Variants in GALNT2 observed in about 807,000 individuals in gnomAD.
GALNT2 encodes polypeptide N-acetylgalactosaminyltransferase 2.
A neutral mutation model predicts 81.4 loss-of-function variants in GALNT2; 31 were observed. The ratio of observed to expected loss-of-function variants is 0.38; its 90% CI spans 0.29 to 0.51. The LOEUF is 0.51. Among genes scored for constraint, GALNT2 ranks in the 20% least tolerant of loss-of-function variants. The pLI is 0.87. For missense variants in GALNT2, 629 were observed against 765.7 expected (o/e 0.82, Z 2.11); for synonymous variants, 303 against 287.4 (o/e 1.05, Z -0.55).
At chr1:230,117,923 T>C (rs983482869) in intron 1 of GALNT2, among the ~76,000 whole-genome samples, 2 of 152,218 alleles carry the variant, frequency 1.3e-5, no homozygotes, top group Non-Finnish European at 1.5e-5. Flanking sequence ...TATACGTGTC[T>C]GATGAAAGCA....
chr1:230,208,314 G>C (rs764127612), intron 3 of GALNT2, among the ~76,000 whole-genome samples: 17 of 152,162 alleles, frequency 1.1e-4, no homozygotes, highest in Non-Finnish European at 2.1e-4. Flanking sequence ...GGACTGGAGG[G>C]GGGTATGGCT....
intron 10 of GALNT2, 80 bp from the exon 11 acceptor site, chr1:230,255,138 T>C (rs1298717938): frequency 6.2e-7 from 1 of 1,605,676 alleles, no homozygotes; most frequent in Non-Finnish European, 8.5e-7. Context: ...AGGGGGCCTC[T>C]GTACCTGCTT....
rs1378952430 is a variant in GALNT2 at position 230,087,844 on chromosome 1, A to G, written c.126+20438A>G. ...TATTCAGAGTTAAATATTGATGGGC[A>G]TATAATGAAATGCCTACTGGATTAC... On this transcript the variant is annotated intron_variant, in intron 1 of 15. Coordinates refer to ENST00000366672, the MANE Select transcript of GALNT2 (RefSeq NM_004481.5). Among the ~76,000 whole-genome samples, 5 of 152,346 alleles carry G rather than the reference A, an allele frequency of 3.3e-5. No homozygotes were observed. The Middle Eastern group carries it at 0.01, about 311-fold the overall frequency.
At position 230,160,575 on chromosome 1, in the gene GALNT2, G is replaced by A. The variant is rs189065088; in HGVS notation, c.127-17643G>A. 1.1e-4 allele frequency among the ~76,000 whole-genome samples: 17 copies of A among 152,246 alleles called. No individual in the cohort carries two copies. In the East Asian group the frequency reaches 3.3e-3, roughly 29 times the overall value. The stretch of plus-strand genomic sequence containing the variant: ...AAAAATATAAAAAAATTAGCCGGTC[G>A]TGGTAGTGGGCGCCTGTAATCCCAG... On this transcript the variant is annotated intron_variant, in intron 1 of 15. Coordinates refer to ENST00000366672, the MANE Select transcript of GALNT2 (RefSeq NM_004481.5).
intron 1 of GALNT2, among the ~76,000 whole-genome samples, chr1:230,061,154 A>G (rs1161907079): frequency 6.6e-6 from 1 of 151,838 alleles, no homozygotes; most frequent in African/African-American, 2.4e-5. Flanking sequence ...GGAAATATGT[A>G]TGTATATTTG....
intron 1 of GALNT2, among the ~76,000 whole-genome samples, chr1:230,058,511 CCT>C (rs1658972328): frequency 6.6e-6 from 1 of 152,138 alleles, no homozygotes; most frequent in African/African-American, 2.4e-5. Context: ...ACTCAGTCTC[CCT>C]GACTCTGCTA....
chr1:230,127,387 T>G (rs944048154), intron 1 of GALNT2, among the ~76,000 whole-genome samples: 2 of 152,176 alleles, frequency 1.3e-5, no homozygotes, highest in East Asian at 3.8e-4. Context: ...GAATAGATTT[T>G]TTTTTTTGAG....
chr1:230,208,788 G>A (rs1664143497), intron 3 of GALNT2, among the ~76,000 whole-genome samples: 1 of 152,190 alleles, frequency 6.6e-6, no homozygotes, highest in African/African-American at 2.4e-5. Context: ...AGGAGCCTCA[G>A]GGGAGTGTCT....
At chr1:230,128,257 A>ATGTGTGTGTGTGTGTGTGTGTGTGTGTG (rs59410758) in intron 1 of GALNT2, among the ~76,000 whole-genome samples, 22 of 149,868 alleles carry the variant, frequency 1.5e-4, no homozygotes, top group African/African-American at 5.1e-4. Flanking sequence ...GCGCTGGAGA[A>ATGTGTGTGTGTGTGTGTGTGTGTGTGTG]TGTGTGTGTG....
At position 230,279,058 on chromosome 1, in the gene GALNT2, G is replaced by T. The variant is rs187964669; in HGVS notation, c.1561-245G>T. On this transcript the variant is annotated intron_variant, in intron 15 of 15. Coordinates refer to ENST00000366672, the MANE Select transcript of GALNT2 (RefSeq NM_004481.5). The surrounding 1 kb of genome is among the most constrained non-coding windows in gnomAD (Gnocchi z 4.6). The stretch of plus-strand genomic sequence containing the variant: ...GGAGGGGACACCCACAGAAAGTTTG[G>T]GGCAGGAGACGTTCTGAGTTTTGAT... Among the ~76,000 whole-genome samples the T allele has an allele frequency of 5.6e-4, 86 of 152,294 alleles. No homozygotes were observed. The highest frequency in any genetic ancestry group is 1.8e-3 in the African/African-American group (74 of 41,546).
intron 3 of GALNT2, among the ~76,000 whole-genome samples, chr1:230,229,618 A>G (rs939779225): frequency 7.2e-5 from 11 of 152,222 alleles, no homozygotes; most frequent in Admixed American, 7.2e-4. Flanking sequence ...GTAAAAAGAC[A>G]GTGTCCACTG....
At chr1:230,222,343 C>T (rs1163222659) in intron 3 of GALNT2, among the ~76,000 whole-genome samples, 1 of 152,010 alleles carries the variant, frequency 6.6e-6, no homozygotes. Flanking sequence ...CTCTGCACTC[C>T]CCCTGCCCCA....
chr1:230,104,499 C>T (rs527818392), intron 1 of GALNT2, among the ~76,000 whole-genome samples: 2 of 152,278 alleles, frequency 1.3e-5, no homozygotes, highest in Non-Finnish European at 2.9e-5. Context: ...TTGTTGGATG[C>T]ACCGAGTCAT....
intron 10 of GALNT2, among the ~76,000 whole-genome samples, chr1:230,253,120 T>C (rs922519569): frequency 6.6e-6 from 1 of 152,198 alleles, no homozygotes; most frequent in Non-Finnish European, 1.5e-5. Flanking sequence ...AGTGTTGGGA[T>C]TACAGGCATG....
chr1:230,255,166 A>G, intron 10 of GALNT2, 52 bp from the exon 11 acceptor site: 4 of 1,613,250 alleles, frequency 2.5e-6, no homozygotes, highest in Non-Finnish European at 3.4e-6. Context: ...CTGCTGTTGC[A>G]GAGGTGCGTC....
intron 6 of GALNT2, among the ~76,000 whole-genome samples, chr1:230,238,507 TA>T (rs1269171893): frequency 1.1e-4 from 17 of 152,196 alleles, no homozygotes; most frequent in Non-Finnish European, 2.2e-4. Flanking sequence ...ATGGAAATAC[TA>T]AATCTAAAGA....
intron 1 of GALNT2, among the ~76,000 whole-genome samples, chr1:230,059,661 T>C (rs1658997259): frequency 6.6e-6 from 1 of 152,218 alleles, no homozygotes; most frequent in African/African-American, 2.4e-5. Flanking sequence ...GTCACCATAT[T>C]GCATGTAAAA....
At position 230,070,252 on chromosome 1, in the gene GALNT2, C is replaced by A. The variant is rs1659332203; in HGVS notation, c.126+2846C>A. Among the ~76,000 whole-genome samples the A allele has an allele frequency of 1.3e-5, 2 of 152,126 alleles. No homozygotes were observed. The highest frequency in any genetic ancestry group is 4.8e-5 in the African/African-American group (2 of 41,406). The stretch of plus-strand genomic sequence containing the variant: ...TTACATTTGTGTCCATACCCTTTCC[C>A]CCCATATTTTGCTCTTTCCCCCTAA... On this transcript the variant is annotated intron_variant, in intron 1 of 15. Coordinates refer to ENST00000366672, the MANE Select transcript of GALNT2 (RefSeq NM_004481.5). The surrounding 1 kb of genome is among the most constrained non-coding windows in gnomAD (Gnocchi z 4.7).
At chr1:230,137,507 C>T (rs1381605182) in intron 1 of GALNT2, among the ~76,000 whole-genome samples, 1 of 152,192 alleles carries the variant, frequency 6.6e-6, no homozygotes, top group African/African-American at 2.4e-5. Context: ...GGCAGCCAGC[C>T]GAGGCTGTCA....
Sources: gnomAD v4.1 joint callset for allele counts (sites outside exome capture counted in the v4.1 genomes callset) on GRCh38, gnomAD v4.1.1 for gene constraint, Gnocchi (gnomAD v3.1) non-coding constraint, MANE v1.5 for transcripts, NCBI Gene and HGNC (gene_info 2026-07-23, HGNC 2026-07-21) for gene names.